Variants in GASK1B observed in about 807,000 individuals in gnomAD.
GASK1B encodes the protein golgi associated kinase 1B.
GASK1B carries 34 observed loss-of-function variants against 42.8 expected under a neutral mutation model. That is an observed-to-expected ratio of 0.79 (90% CI 0.60 to 1.06). The LOEUF is 1.06. Ranked by LOEUF, GASK1B falls within the 50% of genes least tolerant of loss-of-function variation. The pLI is 0.00. For missense variants in GASK1B, 686 were observed against 661.0 expected, an observed-to-expected ratio of 1.04 and a Z score of -0.42; for synonymous variants, 262 against 259.1, an observed-to-expected ratio of 1.01 and a Z score of -0.11.
At chr4:158,168,451 A>G (rs1732314839) in intron 2 of GASK1B, 1 of 152,232 alleles carries the variant, frequency 6.6e-6, no homozygotes. Context: ...GAATTCAATG[A>G]ACTTGGTACC....
chr4:158,142,070 G>C (rs375289477), intron 3 of GASK1B, among the ~76,000 whole-genome samples: 2 of 146,932 alleles, frequency 1.4e-5, no homozygotes, highest in East Asian at 2.0e-4. Flanking sequence ...TCAGCCTCCC[G>C]AGTAGCTGGG....
chr4:158,160,442 A>G (rs147541752), intron 2 of GASK1B, among the ~76,000 whole-genome samples: 16 of 152,274 alleles, frequency 1.1e-4, no homozygotes, highest in South Asian at 4.2e-4. Flanking sequence ...TCAAAAAGAC[A>G]AAAAGATTAC....
chr4:158,140,137 G>A (rs1257964729), intron 3 of GASK1B, among the ~76,000 whole-genome samples: 3 of 152,076 alleles, frequency 2.0e-5, no homozygotes, highest in Non-Finnish European at 4.4e-5. Context: ...AACCACTACT[G>A]CATATATCAA....
intron 2 of GASK1B, among the ~76,000 whole-genome samples, chr4:158,162,604 G>C (rs181659966): frequency 7.2e-5 from 11 of 152,150 alleles, no homozygotes; most frequent in African/African-American, 2.4e-4. Context: ...CAGAGGTTTT[G>C]ATGCCCTCAT....
intron 3 of GASK1B, among the ~76,000 whole-genome samples, chr4:158,150,972 C>T (rs1282663726): frequency 6.6e-6 from 1 of 152,196 alleles, no homozygotes; most frequent in Admixed American, 6.5e-5. Context: ...ACATTTTTGT[C>T]CCTCTGCAAT....
At position 158,170,653 on chromosome 4, in the gene GASK1B, C is replaced by T. The variant is rs750550968; in HGVS notation, c.723G>A (p.Arg241=). The part of the protein sequence containing the change: ...AVAGLRPVSS[R]SGARLLVLEG... The stretch of plus-strand genomic sequence containing the variant: ...CCAGCACCAGCAAACGGGCTCCGCT[C>T]CTAGAGGACACAGGCCGGAGCCCTG... Residue 241 remains arginine, a synonymous_variant, in exon 2 of 5, where the codon AGG becomes AGA. Coordinates refer to ENST00000585682, the MANE Select transcript of GASK1B (RefSeq NM_001128424.2). 1.2e-6 allele frequency: 2 copies of T among 1,614,002 alleles called. No individual in the cohort carries two copies. Among genetic ancestry groups the T allele is most frequent in the Admixed American group, 3.3e-5 (2 of 60,034 alleles).
chr4:158,141,597 C>CATTTTTTTTTTTTTTTTTT lies in GASK1B; in HGVS notation c.1126-10586_1126-10585insAAAAAAAAAAAAAAAAAAT, dbSNP rs1553958620. 2.4e-4 allele frequency among the ~76,000 whole-genome samples: 27 copies of CATTTTTTTTTTTTTTTTTT among 113,694 alleles called. 13 individuals carry two copies. Among genetic ancestry groups the CATTTTTTTTTTTTTTTTTT allele is most frequent in the Non-Finnish European group, 2.6e-4 (15 of 57,142 alleles). 74.6% of individuals were successfully genotyped at this position (113,694 alleles called of 152,430 possible). A position where few individuals can be genotyped will look rare whatever the true frequency, so the allele number is the denominator to read the frequency against. On this transcript the variant is annotated intron_variant, in intron 3 of 4. Coordinates refer to ENST00000585682, the MANE Select transcript of GASK1B (RefSeq NM_001128424.2). Reference sequence around the variant, plus strand: ...CATAGGTCAGTGCCTTTGTATTTACCTTTTTTTTTTTTTTTTTTTTTTTTT... The same window carrying CATTTTTTTTTTTTTTTTTT: ...CATAGGTCAGTGCCTTTGTATTTACCATTTTTTTTTTTTTTTTTTTTTTTTTTTTTTTTTTTTTTTTTTT...
At chr4:158,166,818 T>G (rs1249774489) in intron 2 of GASK1B, among the ~76,000 whole-genome samples, 1 of 152,106 alleles carries the variant, frequency 6.6e-6, no homozygotes, top group Non-Finnish European at 1.5e-5. Flanking sequence ...TAACTAAACT[T>G]TCTAGTAGGC....
intron 3 of GASK1B, among the ~76,000 whole-genome samples, chr4:158,154,135 A>C (rs190736373): frequency 2.6e-4 from 40 of 151,058 alleles, no homozygotes; most frequent in South Asian, 2.1e-4. Flanking sequence ...TAATATCCAG[A>C]ATCTACAAGC....
chr4:158,129,830 T>C (rs936233034), intron 4 of GASK1B, among the ~76,000 whole-genome samples: 1 of 152,194 alleles, frequency 6.6e-6, no homozygotes, highest in African/African-American at 2.4e-5. Context: ...GTCAATCTGA[T>C]TTCTGACTAA....
intron 3 of GASK1B, among the ~76,000 whole-genome samples, chr4:158,150,160 C>T (rs1456043436): frequency 3.9e-5 from 6 of 152,040 alleles, no homozygotes; most frequent in Admixed American, 3.3e-4. Context: ...CTCCTGACCT[C>T]GTGATCTGCC....
intron 3 of GASK1B, among the ~76,000 whole-genome samples, chr4:158,141,610 T>A (rs1313685103): frequency 7.8e-6 from 1 of 127,414 alleles, no homozygotes; most frequent in Non-Finnish European, 1.7e-5. Flanking sequence ...TTTTTTTTTT[T>A]TTTTTTTTTT....
At chr4:158,134,139 T>C (rs186913653) in intron 3 of GASK1B, among the ~76,000 whole-genome samples, 1 of 152,226 alleles carries the variant, frequency 6.6e-6, no homozygotes, top group Non-Finnish European at 1.5e-5. Flanking sequence ...ATATTCAATA[T>C]ACCAAAAATA....
intron 3 of GASK1B, among the ~76,000 whole-genome samples, chr4:158,135,447 T>C (rs1379962097): frequency 6.6e-6 from 1 of 151,810 alleles, no homozygotes; most frequent in Non-Finnish European, 1.5e-5. Flanking sequence ...TGCCAGGAAC[T>C]GTATACTTAA....
In GASK1B at chr4:158,171,530, G is replaced by C. The variant is rs1732539599; in HGVS notation, c.-155C>G. 9.9e-6 allele frequency: 7 copies of C among 705,796 alleles called. No individual in the cohort carries two copies. Among genetic ancestry groups the C allele is most frequent in the African/African-American group, 3.6e-5 (2 of 56,100 alleles). The allele number at this position is 705,796 out of a possible 1,614,324, so 43.7% of individuals were successfully genotyped here. A position where few individuals can be genotyped will look rare whatever the true frequency, so the allele number is the denominator to read the frequency against. On this transcript the variant is annotated 5_prime_UTR_variant, in exon 2 of 5. Transcript: ENST00000585682. The stretch of plus-strand genomic sequence containing the variant: ...GTGGAAGGAAAGGGTTGGTGATGAA[G>C]CTGGGAATGTTTCTGACACAACAAA...
intron 2 of GASK1B, among the ~76,000 whole-genome samples, chr4:158,160,901 A>G (rs977248553): frequency 1.3e-5 from 2 of 152,114 alleles, no homozygotes; most frequent in Non-Finnish European, 2.9e-5. Flanking sequence ...TGTGGAATCT[A>G]AAAAAGTTGA....
At chr4:158,149,922 G>GTTTTTTTTTTTT (rs1560785203) in intron 3 of GASK1B, among the ~76,000 whole-genome samples, 11 of 15,514 alleles carry the variant, frequency 7.1e-4, no homozygotes, top group Non-Finnish European at 1.7e-3. Flanking sequence ...TCTGCATGCT[G>GTTTTTTTTTTTT]CTTTTTTTTT....
At chr4:158,138,956 C>T (rs759163610) in intron 3 of GASK1B, among the ~76,000 whole-genome samples, 29 of 152,062 alleles carry the variant, frequency 1.9e-4, no homozygotes, top group Middle Eastern at 3.2e-3. Context: ...GGTTAGAAAA[C>T]AGCTACAAAA....
In GASK1B at chr4:158,134,729, T is replaced by C. The variant is rs1313700776; in HGVS notation, c.1126-3717A>G. ...TATATTTCCTTCTTCTAAAGTTTTT[T>C]TTAATTCCATTTTCCTTTGGTAGTG... On this transcript the variant is annotated intron_variant, in intron 3 of 4. Coordinates refer to ENST00000585682, the MANE Select transcript of GASK1B (RefSeq NM_001128424.2). Among the ~76,000 whole-genome samples, 6 of 152,216 alleles carry C rather than the reference T, an allele frequency of 3.9e-5. No individual in the cohort carries two copies. In the East Asian group the frequency reaches 1.2e-3, roughly 29 times the overall value.
Sources: allele counts gnomAD v4.1 joint callset (sites outside exome capture counted in the v4.1 genomes callset), GRCh38; gene constraint gnomAD v4.1.1; transcripts MANE v1.5; gene names NCBI Gene and HGNC (gene_info 2026-07-23, HGNC 2026-07-21).